RUFY2: variants seen among roughly 807,000 people sequenced by gnomAD.
The protein encoded by RUFY2 is RUN and FYVE domain-containing protein 2.
RUFY2 carries 49 observed loss-of-function variants against 94.4 expected under a neutral mutation model. The observed-to-expected ratio is 0.52, with a 90% confidence interval of 0.41 to 0.66. RUFY2 has a LOEUF of 0.66. Ranked by LOEUF, RUFY2 falls within the 30% of genes least tolerant of loss-of-function variation. RUFY2 has a pLI of 0.00. For synonymous variants in RUFY2, 255 were observed against 235.7 expected (o/e 1.08, Z -0.75); for missense variants, 541 against 692.8 (o/e 0.78, Z 2.46).
At chr10:68,402,866 CAG>C (rs2050961884) in intron 2 of RUFY2, among the ~76,000 whole-genome samples, 2 of 62,632 alleles carry the variant, frequency 3.2e-5, no homozygotes, top group South Asian at 5.8e-4. Context: ...TTTTTTGAGA[CAG>C]AGTCTCACTC....
intron 11 of RUFY2, 124 bp from the exon 12 acceptor site, chr10:68,379,645 G>A: frequency 5.0e-6 from 3 of 604,474 alleles, no homozygotes; most frequent in Non-Finnish European, 8.4e-6. Context: ...TTGAACTTCT[G>A]GGCTCAAGCT....
At chr10:68,374,261 C>T (rs1041338786) in intron 13 of RUFY2, among the ~76,000 whole-genome samples, 1 of 151,340 alleles carries the variant, frequency 6.6e-6, no homozygotes, top group Non-Finnish European at 1.5e-5. Context: ...CATAGCAAGA[C>T]CCTGTCTCTC....
chr10:68,395,095 T>A (rs1216599852), intron 4 of RUFY2, among the ~76,000 whole-genome samples: 1 of 151,860 alleles, frequency 6.6e-6, no homozygotes, highest in African/African-American at 2.4e-5. Flanking sequence ...CCCAGCACTT[T>A]GGGAGGCCAA....
intron 12 of RUFY2, chr10:68,377,679 T>C (rs1038257888): frequency 8.1e-6 from 8 of 985,334 alleles, no homozygotes; most frequent in African/African-American, 1.7e-5. Flanking sequence ...TTGTAAGTCG[T>C]TGCATTTTCC....
chr10:68,369,484 C>CA (rs56118945), intron 13 of RUFY2, among the ~76,000 whole-genome samples: 5 of 135,944 alleles, frequency 3.7e-5, no homozygotes, highest in East Asian at 2.1e-4. Context: ...GACCTTGTCT[C>CA]AAAAAAAAAA....
intron 10 of RUFY2, among the ~76,000 whole-genome samples, chr10:68,382,444 GTGGCTCAT>G (rs768394357): frequency 6.6e-6 from 1 of 151,620 alleles, no homozygotes; most frequent in Non-Finnish European, 1.5e-5. Flanking sequence ...GCCTGGTGCG[GTGGCTCAT>G]GCAGGTAATC....
chr10:68,404,688 A>AGG lies in RUFY2; in HGVS notation c.159_160dup (p.Leu54ProfsTer2). The AGG allele has an allele frequency of 1.9e-6, 3 of 1,606,034 alleles. No individual in the cohort carries two copies. Among genetic ancestry groups the AGG allele is most frequent in the Non-Finnish European group, 2.5e-6 (3 of 1,176,900 alleles). The stretch of plus-strand genomic sequence containing the variant: ...CATGATACCTTTAAGACCGTGTTTC[A>AGG]GGCAATGTTCCATAACAACAAAGAA... On this transcript the variant is annotated frameshift_variant, in exon 2 of 18. Coordinates refer to ENST00000602465, the MANE Select transcript of RUFY2 (RefSeq NM_001330103.2). LOFTEE classifies it high-confidence loss of function.
downstream of RUFY2, chr10:68,342,129 T>C: frequency 9.3e-7 from 1 of 1,075,426 alleles, no homozygotes; most frequent in Admixed American, 2.8e-5. Flanking sequence ...TTAATTTCTT[T>C]TGTATTTTAA....
chr10:68,401,856 C>A, intron 2 of RUFY2, 119 bp from the exon 3 acceptor site: 1 of 665,312 alleles, frequency 1.5e-6, no homozygotes, highest in East Asian at 2.8e-5. Context: ...GATCTTTCCT[C>A]TTTTATCCAC....
At chr10:68,401,547 A>T in intron 3 of RUFY2, 73 bp downstream of exon 3, 1 of 859,350 alleles carries the variant, frequency 1.2e-6, no homozygotes, top group Non-Finnish European at 2.0e-6. Flanking sequence ...AATAAGCTAG[A>T]GTGTGAGGTA....
intron 8 of RUFY2, among the ~76,000 whole-genome samples, chr10:68,384,510 A>C (rs2049333807): frequency 6.6e-6 from 1 of 152,218 alleles, no homozygotes; most frequent in Non-Finnish European, 1.5e-5. Context: ...ATTAAATAAC[A>C]AAGGCTTTAA....
chr10:68,401,980 G>C (rs1421264821), intron 2 of RUFY2, among the ~76,000 whole-genome samples: 1 of 152,074 alleles, frequency 6.6e-6, no homozygotes, highest in Non-Finnish European at 1.5e-5. Context: ...CAAATATGCA[G>C]TAAGGTAATT....
chr10:68,346,116 G>A, intron 16 of RUFY2, 32 bp from the exon 17 acceptor site: 1 of 1,526,548 alleles, frequency 6.6e-7, no homozygotes. Context: ...TGCTCAAATT[G>A]GTAACACTAA....
intron 1 of RUFY2, chr10:68,406,959 T>G: frequency 1.3e-6 from 2 of 1,548,338 alleles, no homozygotes; most frequent in South Asian, 1.2e-5. Context: ...TCGGCCACTA[T>G]GCCTCAGAAC....
intron 11 of RUFY2, 45 bp downstream of exon 11, chr10:68,381,187 T>C (rs2049035309): frequency 2.0e-6 from 3 of 1,486,364 alleles, no homozygotes; most frequent in African/African-American, 1.4e-5. Context: ...TCTACAAATA[T>C]TCACTTTCAA....
At chr10:68,392,926 C>G (rs369809253) in intron 7 of RUFY2, among the ~76,000 whole-genome samples, 1 of 78,560 alleles carries the variant, frequency 1.3e-5, no homozygotes, top group Non-Finnish European at 2.8e-5. Flanking sequence ...GACTTCATCT[C>G]AAAAAAAAAA....
At chr10:68,378,322 T>G (rs1305060396) in intron 12 of RUFY2, 1 of 1,189,854 alleles carries the variant, frequency 8.4e-7, no homozygotes, top group Non-Finnish European at 1.0e-6. Flanking sequence ...AATCCTGACC[T>G]CCAAAGGGTC....
At chr10:68,406,722 G>C in intron 1 of RUFY2, 2 of 1,578,476 alleles carry the variant, frequency 1.3e-6, no homozygotes, top group East Asian at 2.3e-5. Flanking sequence ...CAGAGGCCTG[G>C]GGGCCCCCCA....
At chr10:68,393,494 G>A (rs189922543) in intron 6 of RUFY2, among the ~76,000 whole-genome samples, 6 of 152,180 alleles carry the variant, frequency 3.9e-5, no homozygotes, top group East Asian at 3.9e-4. Flanking sequence ...CTGGGAGGCC[G>A]AGGCAGGCAG....
Sources: gnomAD v4.1 joint callset for allele counts (sites outside exome capture counted in the v4.1 genomes callset) on GRCh38, gnomAD v4.1.1 for gene constraint, MANE v1.5 for transcripts, NCBI Gene and HGNC (gene_info 2026-07-23, HGNC 2026-07-21) for gene names.